CACNA1D: variants seen among roughly 807,000 people sequenced by gnomAD.
CACNA1D encodes voltage-dependent L-type calcium channel subunit alpha-1D.
CACNA1D carries 55 observed loss-of-function variants against 257.1 expected under a neutral mutation model. The observed-to-expected ratio is 0.21, with a 90% CI of 0.17 to 0.27. The LOEUF is 0.27. Among genes scored for constraint, CACNA1D ranks in the 10% least tolerant of loss-of-function variants. The pLI is 1.00. For synonymous variants in CACNA1D, 980 were observed against 1,014.9 expected (o/e 0.97, Z 0.65); for missense variants, 1,876 against 2,784.0 (o/e 0.67, Z 7.34).
intron 3 of CACNA1D, among the ~76,000 whole-genome samples, chr3:53,641,524 C>T (rs1470231349): frequency 6.6e-6 from 1 of 152,088 alleles, no homozygotes; most frequent in Non-Finnish European, 1.5e-5. Context: ...GAAATAGGGT[C>T]CCTGAACTGC....
chr3:53,647,174 G>T (rs1181715677), intron 3 of CACNA1D, among the ~76,000 whole-genome samples: 2 of 152,180 alleles, frequency 1.3e-5, no homozygotes, highest in Non-Finnish European at 2.9e-5. Flanking sequence ...GTTTCTGGAC[G>T]TTGTTTTCTA....
chr3:53,709,837 T>TA (rs2094731191), intron 9 of CACNA1D, among the ~76,000 whole-genome samples: 1 of 152,240 alleles, frequency 6.6e-6, no homozygotes, highest in Non-Finnish European at 1.5e-5. Flanking sequence ...GTTCACCTCT[T>TA]ACAACAACCT....
intron 2 of CACNA1D, 41 bp from the exon 3 acceptor site, chr3:53,501,574 A>C (rs748538909): frequency 1.9e-6 from 2 of 1,035,006 alleles, no homozygotes; most frequent in African/African-American, 3.1e-5. Context: ...GACATGGTTT[A>C]TGTTTCCATA....
chr3:53,687,018 A>T (rs188659717), intron 8 of CACNA1D, among the ~76,000 whole-genome samples: 45 of 152,168 alleles, frequency 3.0e-4, no homozygotes, highest in Admixed American at 2.8e-3. Flanking sequence ...ATGAAATTTT[A>T]AAAAATTACC....
chr3:53,599,853 C>T (rs1422558160), intron 3 of CACNA1D, among the ~76,000 whole-genome samples: 1 of 152,206 alleles, frequency 6.6e-6, no homozygotes, highest in Non-Finnish European at 1.5e-5. Flanking sequence ...TCTTGGTGCA[C>T]TGTAACCAGG....
At position 53,571,628 on chromosome 3, in the gene CACNA1D, C is replaced by G. The variant is rs150041012; in HGVS notation, c.483+69908C>G. Among the ~76,000 whole-genome samples the G allele has an allele frequency of 7.0e-4, 107 of 152,222 alleles. 4 individuals carry two copies. The East Asian group carries it at 0.013, about 19-fold the overall frequency. On this transcript the variant is annotated intron_variant, in intron 3 of 47. Coordinates refer to ENST00000350061, the MANE Select transcript of CACNA1D (RefSeq NM_001128840.3). Reference sequence around the variant, plus strand: ...GGGGGAGCTGGAAAAGGATGGGCCACCTCTGTCCTGTCCATAGGGTGACAG... The same window carrying G: ...GGGGGAGCTGGAAAAGGATGGGCCAGCTCTGTCCTGTCCATAGGGTGACAG...
chr3:53,771,909 C>T (rs1401608623), intron 32 of CACNA1D, among the ~76,000 whole-genome samples: 3 of 152,228 alleles, frequency 2.0e-5, no homozygotes, highest in Non-Finnish European at 4.4e-5. Flanking sequence ...GAGGGCCAGG[C>T]TGGCAGGCAC....
At chr3:53,509,404 G>A (rs113766027) in intron 3 of CACNA1D, among the ~76,000 whole-genome samples, 44 of 152,106 alleles carry the variant, frequency 2.9e-4, no homozygotes, top group Non-Finnish European at 5.7e-4. Flanking sequence ...TTCCTTTGGT[G>A]GCTTTAATTA....
chr3:53,606,404 A>C (rs1559907918), intron 3 of CACNA1D, among the ~76,000 whole-genome samples: 1 of 152,254 alleles, frequency 6.6e-6, no homozygotes, highest in Non-Finnish European at 1.5e-5. Flanking sequence ...AAATGTGACA[A>C]CATGAATTAC....
chr3:53,784,902 G>C (rs545653558), intron 39 of CACNA1D, among the ~76,000 whole-genome samples: 5 of 152,176 alleles, frequency 3.3e-5, no homozygotes, highest in Non-Finnish European at 7.4e-5. Flanking sequence ...TAGGATCCCA[G>C]ACTCAAGGAG....
chr3:53,526,127 T>A (rs945404056), intron 3 of CACNA1D, among the ~76,000 whole-genome samples: 2 of 152,196 alleles, frequency 1.3e-5, no homozygotes, highest in African/African-American at 4.8e-5. Flanking sequence ...CTTCCCATTG[T>A]CTCAGATTGG....
chr3:53,616,282 C>A (rs889907323), intron 3 of CACNA1D, among the ~76,000 whole-genome samples: 1 of 152,170 alleles, frequency 6.6e-6, no homozygotes, highest in Non-Finnish European at 1.5e-5. Context: ...ACCGGCCCCC[C>A]GGTTCATATC....
chr3:53,660,648 G>A (rs1261399041), intron 5 of CACNA1D, among the ~76,000 whole-genome samples: 1 of 151,566 alleles, frequency 6.6e-6, no homozygotes, highest in African/African-American at 2.4e-5. Context: ...TGGTGGGTTT[G>A]TGGATGAGGG....
rs1270541979 is a variant in CACNA1D at position 53,813,158 on chromosome 3, T to TAACA, written c.*1757_*1760dup. The TAACA allele has an allele frequency of 5.2e-5, 6 of 114,700 alleles. No individual in the cohort carries two copies. Among genetic ancestry groups the TAACA allele is most frequent in the African/African-American group, 1.3e-4 (4 of 31,508 alleles). The allele number at this position is 114,700 out of a possible 1,614,324, so 7.1% of individuals were successfully genotyped here. A position where few individuals can be genotyped will look rare whatever the true frequency, so the allele number is the denominator to read the frequency against. ...TTTTTTTTTTTTTTTTTTTTGTAAA[T>TAACA]AACAAACACCACTTTGTTATGAAGA... On this transcript the variant is annotated 3_prime_UTR_variant, in exon 48 of 48. Coordinates refer to ENST00000350061, the MANE Select transcript of CACNA1D (RefSeq NM_001128840.3).
intron 3 of CACNA1D, among the ~76,000 whole-genome samples, chr3:53,565,810 G>C (rs1014360387): frequency 6.6e-6 from 1 of 152,088 alleles, no homozygotes; most frequent in Admixed American, 6.6e-5. Context: ...TATGTGGTTT[G>C]GTACTTAATA....
In CACNA1D at chr3:53,776,692, A is replaced by G. The variant is rs770202201; in HGVS notation, c.4452A>G (p.Glu1484=). The change falls in exon 36 of 48, where the codon GAA becomes GAG. Residue 1484 remains glutamate (E), a synonymous_variant. Transcript: ENST00000350061. ...TTTTGGGGCCTCACCATTTAGATGA[A>G]TTCAAAAGAATATGGTCAGAATATG... ...WSILGPHHLD[E]FKRIWSEYDP... is the part of the protein sequence containing the mutation. 1 of 1,614,234 alleles carries G rather than the reference A, an allele frequency of 6.2e-7. No individual in the cohort carries two copies.
intron 3 of CACNA1D, among the ~76,000 whole-genome samples, chr3:53,557,853 T>C (rs562934277): frequency 1.3e-5 from 2 of 152,364 alleles, no homozygotes; most frequent in East Asian, 1.9e-4. Context: ...CCTTTGTCTT[T>C]TCACATAAAT....
At chr3:53,772,698 C>T in intron 32 of CACNA1D, 135 bp from the exon 33 acceptor site, 1 of 709,306 alleles carries the variant, frequency 1.4e-6, no homozygotes, top group South Asian at 1.6e-5. Flanking sequence ...GGTTCTTCCT[C>T]ACTGTCGATA....
At chr3:53,572,775 A>C (rs2092971258) in intron 3 of CACNA1D, among the ~76,000 whole-genome samples, 1 of 152,048 alleles carries the variant, frequency 6.6e-6, no homozygotes. Flanking sequence ...AACCACCACC[A>C]TCCTTTGTGC....
Sources: gnomAD v4.1 joint callset for allele counts (sites outside exome capture counted in the v4.1 genomes callset) on GRCh38, gnomAD v4.1.1 for gene constraint, MANE v1.5 for transcripts, NCBI Gene and HGNC (gene_info 2026-07-23, HGNC 2026-07-21) for gene names.